The following NEK11 variants were observed in gnomAD, a reference collection of about 807,000 sequenced individuals.
The protein encoded by NEK11 is NIMA related kinase 11, also known as serine/threonine-protein kinase Nek11.
In NEK11, 72 loss-of-function variants were observed where a neutral mutation model predicts 80.7. That is an observed-to-expected ratio of 0.89 (90% CI 0.74 to 1.08). The LOEUF (loss-of-function observed/expected upper bound fraction) is 1.08. Among genes scored for constraint, NEK11 ranks in the 50% least tolerant of loss-of-function variants. The pLI, the probability that NEK11 is intolerant of heterozygous loss-of-function variation, is 0.00. For synonymous variants in NEK11, 251 were observed against 260.7 expected, an observed-to-expected ratio of 0.96 and a Z score of 0.36; for missense variants, 764 against 763.6, an observed-to-expected ratio of 1.00 and a Z score of -0.01.
At chr3:131,164,383 A>C (rs564046286) in intron 11 of NEK11, among the ~76,000 whole-genome samples, 2 of 152,220 alleles carry the variant, frequency 1.3e-5, no homozygotes, top group Non-Finnish European at 2.9e-5. Flanking sequence ...AACCACTATG[A>C]CATTGAGTGT....
chr3:131,139,526 ATATAAG>A (rs2086403138), intron 7 of NEK11, among the ~76,000 whole-genome samples: 1 of 152,142 alleles, frequency 6.6e-6, no homozygotes, highest in Non-Finnish European at 1.5e-5. Flanking sequence ...AGATATTAAT[ATATAAG>A]TATAAGAAGG....
rs144670432 is a variant in NEK11 at position 131,201,333 on chromosome 3, G to A, written c.1400-27195G>A. On this transcript the variant is annotated intron_variant, in intron 14 of 17. Coordinates refer to ENST00000383366, the MANE Select transcript of NEK11 (RefSeq NM_024800.5). The stretch of plus-strand genomic sequence containing the variant: ...CAAATAGGAAGGGATGTGGAATATC[G>A]GAATGTCGGTGATGCATTTGGGCCA... 1.3e-3 allele frequency among the ~76,000 whole-genome samples: 195 copies of A among 151,860 alleles called. 1 individual carries two copies. Among genetic ancestry groups the A allele is most frequent in the South Asian group, 3.7e-3 (18 of 4,806 alleles).
chr3:131,312,191 C>T (rs1001441790), intron 17 of NEK11, among the ~76,000 whole-genome samples: 1 of 152,186 alleles, frequency 6.6e-6, no homozygotes, highest in Non-Finnish European at 1.5e-5. Flanking sequence ...GAGACTTGGA[C>T]TCCGATTTTT....
chr3:131,259,056 A>G (rs12695555), intron 16 of NEK11, among the ~76,000 whole-genome samples: 42,287 of 152,012 alleles, frequency 0.28, 7,341 homozygotes, highest in Middle Eastern at 0.46. Flanking sequence ...TTTTTTTTGT[A>G]TCAATGAGGC....
intron 14 of NEK11, chr3:131,175,075 G>T: frequency 8.7e-7 from 1 of 1,145,842 alleles, no homozygotes; most frequent in Non-Finnish European, 1.1e-6. Context: ...TATGACTTAC[G>T]ATATCACCTC....
chr3:131,086,830 A>G (rs1365733465), intron 4 of NEK11, among the ~76,000 whole-genome samples: 2 of 152,172 alleles, frequency 1.3e-5, no homozygotes. Context: ...CACAAATGCA[A>G]ATTTTAATGT....
At chr3:131,318,685 T>C (rs2096867811) in intron 17 of NEK11, among the ~76,000 whole-genome samples, 1 of 151,504 alleles carries the variant, frequency 6.6e-6, no homozygotes. Flanking sequence ...TGCAGAACAA[T>C]AGGCATATAT....
chr3:131,228,788 T>G, intron 15 of NEK11, 100 bp downstream of exon 15: 2 of 1,221,582 alleles, frequency 1.6e-6, no homozygotes, highest in South Asian at 3.4e-5. Context: ...GTTGGGGACA[T>G]GGGGAACAGG....
intron 17 of NEK11, among the ~76,000 whole-genome samples, chr3:131,292,648 TGA>T (rs1215467778): frequency 1.3e-5 from 2 of 152,070 alleles, no homozygotes; most frequent in Admixed American, 6.5e-5. Context: ...CCCAAGTAGC[TGA>T]GACTACAGAG....
intron 12 of NEK11, among the ~76,000 whole-genome samples, chr3:131,168,443 G>A (rs998717806): frequency 1.5e-4 from 22 of 148,612 alleles, no homozygotes; most frequent in Middle Eastern, 3.5e-3. Context: ...TGCAAGCTCC[G>A]CCTCCCGGGT....
chr3:131,195,264 A>G (rs1436897907), intron 14 of NEK11, among the ~76,000 whole-genome samples: 1 of 151,428 alleles, frequency 6.6e-6, no homozygotes, highest in Non-Finnish European at 1.5e-5. Flanking sequence ...CCCTCCTCCA[A>G]CCTCACCCCA....
chr3:131,181,569 A>T (rs2093346499), intron 14 of NEK11, among the ~76,000 whole-genome samples: 1 of 151,920 alleles, frequency 6.6e-6, no homozygotes, highest in Admixed American at 6.6e-5. Flanking sequence ...ACACGATGAA[A>T]CCCCATCTCT....
intron 17 of NEK11, among the ~76,000 whole-genome samples, chr3:131,290,392 T>C (rs1302991909): frequency 1.3e-5 from 2 of 152,218 alleles, no homozygotes; most frequent in Non-Finnish European, 1.5e-5. Flanking sequence ...GGCAGAATTA[T>C]TTTGCACTGT....
At chr3:131,295,539 TG>T (rs1246276684) in intron 17 of NEK11, among the ~76,000 whole-genome samples, 7 of 152,218 alleles carry the variant, frequency 4.6e-5, no homozygotes, top group African/African-American at 1.7e-4. Context: ...GCTGTAATTT[TG>T]TTATGTGTAA....
At chr3:131,195,142 A>G (rs2093948624) in intron 14 of NEK11, among the ~76,000 whole-genome samples, 1 of 152,128 alleles carries the variant, frequency 6.6e-6, no homozygotes, top group Non-Finnish European at 1.5e-5. Context: ...TGTAAAGCAG[A>G]GTTTGCCATT....
intron 14 of NEK11, among the ~76,000 whole-genome samples, chr3:131,188,181 G>T (rs1376556968): frequency 1.3e-5 from 2 of 152,106 alleles, no homozygotes; most frequent in African/African-American, 4.8e-5. Flanking sequence ...CATTTTGTGA[G>T]TTCATGTCTC....
intron 14 of NEK11, among the ~76,000 whole-genome samples, chr3:131,173,514 C>CATT (rs2092818708): frequency 6.6e-6 from 1 of 151,082 alleles, no homozygotes; most frequent in Admixed American, 6.6e-5. Flanking sequence ...AAGCCAAAGA[C>CATT]ATTAAGTGGT....
At chr3:131,181,131 G>A (rs2093320434) in intron 14 of NEK11, among the ~76,000 whole-genome samples, 2 of 152,156 alleles carry the variant, frequency 1.3e-5, no homozygotes, top group African/African-American at 4.8e-5. Context: ...ATGGAACTAA[G>A]GTTGCTAATC....
At chr3:131,255,711 G>A (rs2095803424) in intron 16 of NEK11, among the ~76,000 whole-genome samples, 2 of 152,034 alleles carry the variant, frequency 1.3e-5, no homozygotes, top group Non-Finnish European at 2.9e-5. Flanking sequence ...TTCATTAAGT[G>A]ATTATTGAAA....
Sources: allele counts gnomAD v4.1 joint callset (sites outside exome capture counted in the v4.1 genomes callset), GRCh38; gene constraint gnomAD v4.1.1; transcripts MANE v1.5; gene names NCBI Gene and HGNC (gene_info 2026-07-23, HGNC 2026-07-21).